Variants in ZNF366 observed in about 807,000 individuals in gnomAD.
ZNF366 encodes the protein dendritic cell-specific transcript protein.
Under a neutral mutation model 47.2 loss-of-function variants are expected in ZNF366, and 20 were observed. The observed-to-expected ratio is 0.42, with a 90% confidence interval of 0.30 to 0.62. The LOEUF (loss-of-function observed/expected upper bound fraction) is 0.62, where lower values mean the gene tolerates loss of function less well. Among genes scored for constraint, ZNF366 ranks in the 20% least tolerant of loss-of-function variants. The pLI, the probability that ZNF366 is intolerant of heterozygous loss-of-function variation, is 0.16. For missense variants in ZNF366, 987 were observed against 976.3 expected (o/e 1.01, Z -0.15); for synonymous variants, 421 against 395.1 (o/e 1.07, Z -0.78).
intron 1 of ZNF366, among the ~76,000 whole-genome samples, chr5:72,488,216 A>G (rs889139285): frequency 1.3e-5 from 2 of 149,996 alleles, no homozygotes; most frequent in East Asian, 4.0e-4. Context: ...ATCTGAAAGA[A>G]AAAAAAAAAA....
In ZNF366 at chr5:72,460,577, C is replaced by T. The variant is rs1390858880; in HGVS notation, c.920G>A (p.Arg307Gln). The part of the protein sequence containing the change: ...HTHMLTHQGT[R>Q]PHKCQVCHKA... ...GTGGCACACCTGGCACTTGTGGGGC[C>T]GCGTGCCCTGGTGGGTCAGCATGTG... The change falls in exon 2 of 5, where the codon CGG (arginine) becomes CAG (glutamine). Residue 307 changes from arginine to glutamine, a missense_variant. This residue lies in a region of ZNF366 where 591 missense variants were observed against 560.9 expected (regional missense o/e 1.05). Coordinates refer to ENST00000318442, the MANE Select transcript of ZNF366 (RefSeq NM_152625.3). The T allele has an allele frequency of 1.2e-6, 2 of 1,614,094 alleles. No homozygotes were observed. Among genetic ancestry groups the T allele is most frequent in the Non-Finnish European group, 8.5e-7 (1 of 1,180,034 alleles).
At chr5:72,479,137 G>A (rs1420872212) in intron 1 of ZNF366, among the ~76,000 whole-genome samples, 1 of 152,154 alleles carries the variant, frequency 6.6e-6, no homozygotes, top group Non-Finnish European at 1.5e-5. Flanking sequence ...CATTGTACCA[G>A]GTTCATTCCA....
chr5:72,450,211 C>T (rs4703887), intron 3 of ZNF366, among the ~76,000 whole-genome samples: 123,965 of 151,924 alleles, frequency 0.82, 51,076 homozygotes, highest in East Asian at 0.97. Flanking sequence ...GTCAACCTTA[C>T]ACCACAAGTA....
At chr5:72,447,852 G>A (rs1362002020) in intron 3 of ZNF366, among the ~76,000 whole-genome samples, 4 of 152,102 alleles carry the variant, frequency 2.6e-5, no homozygotes, top group African/African-American at 9.7e-5. Context: ...AATCATATGA[G>A]ATGGTTGCTA....
At chr5:72,479,286 G>T (rs1247559140) in intron 1 of ZNF366, among the ~76,000 whole-genome samples, 1 of 152,110 alleles carries the variant, frequency 6.6e-6, no homozygotes, top group Non-Finnish European at 1.5e-5. Context: ...ATCCTGGCTT[G>T]GCGTTGTGGC....
At chr5:72,450,940 A>G (rs9293307) in intron 3 of ZNF366, among the ~76,000 whole-genome samples, 1 of 152,078 alleles carries the variant, frequency 6.6e-6, no homozygotes, top group Non-Finnish European at 1.5e-5. Flanking sequence ...GTGAGCCCCA[A>G]GCAGAATTGT....
At chr5:72,464,552 C>G (rs565422709) in intron 1 of ZNF366, among the ~76,000 whole-genome samples, 2 of 151,862 alleles carry the variant, frequency 1.3e-5, no homozygotes, top group African/African-American at 4.8e-5. Context: ...AAATGTCGAA[C>G]AGAGATGATG....
At chr5:72,449,100 A>G (rs1743012569) in intron 3 of ZNF366, among the ~76,000 whole-genome samples, 1 of 152,220 alleles carries the variant, frequency 6.6e-6, no homozygotes, top group African/African-American at 2.4e-5. Flanking sequence ...GAAAAGCAAT[A>G]TGTAAGATAG....
chr5:72,494,339 G>A (rs1294230245), intron 1 of ZNF366: 1 of 152,206 alleles, frequency 6.6e-6, no homozygotes, highest in Non-Finnish European at 1.5e-5. Context: ...AAGTATCTGA[G>A]AGAATTAATG....
At chr5:72,480,625 C>T (rs1310132915) in intron 1 of ZNF366, among the ~76,000 whole-genome samples, 12 of 152,088 alleles carry the variant, frequency 7.9e-5, no homozygotes, top group Non-Finnish European at 1.6e-4. Flanking sequence ...TTCATTTATA[C>T]TGATTGAAGA....
intron 1 of ZNF366, among the ~76,000 whole-genome samples, chr5:72,488,469 TTTC>T (rs1370286934): frequency 6.6e-6 from 1 of 152,212 alleles, no homozygotes; most frequent in Non-Finnish European, 1.5e-5. Context: ...GAGTAACTCT[TTTC>T]TTATTATTTA....
At chr5:72,474,323 C>A (rs898074244) in intron 1 of ZNF366, among the ~76,000 whole-genome samples, 2 of 152,124 alleles carry the variant, frequency 1.3e-5, no homozygotes, top group African/African-American at 4.8e-5. Context: ...CTGAAAGTCT[C>A]CTTGGAGGGC....
intron 1 of ZNF366, among the ~76,000 whole-genome samples, chr5:72,491,326 G>T (rs1744003755): frequency 6.6e-6 from 1 of 152,200 alleles, no homozygotes; most frequent in South Asian, 2.1e-4. Context: ...TTTTTAGGTT[G>T]CATGTGATTA....
intron 1 of ZNF366, among the ~76,000 whole-genome samples, chr5:72,499,715 A>C (rs1194274191): frequency 6.6e-6 from 1 of 152,156 alleles, no homozygotes; most frequent in Non-Finnish European, 1.5e-5. Flanking sequence ...AAAATGCCTG[A>C]ACTAGAAAAA....
At chr5:72,486,149 T>C (rs548441320) in intron 1 of ZNF366, among the ~76,000 whole-genome samples, 1 of 152,370 alleles carries the variant, frequency 6.6e-6, no homozygotes, top group Admixed American at 6.5e-5. Flanking sequence ...ATTTGTCTTT[T>C]GTTTCCTTAT....
At chr5:72,476,859 G>C (rs1013372855) in intron 1 of ZNF366, among the ~76,000 whole-genome samples, 1 of 152,126 alleles carries the variant, frequency 6.6e-6, no homozygotes, top group Admixed American at 6.5e-5. Flanking sequence ...AACCCACAAA[G>C]CTTAACAATG....
intron 3 of ZNF366, among the ~76,000 whole-genome samples, chr5:72,453,713 A>C (rs1026638407): frequency 1.3e-5 from 2 of 152,200 alleles, no homozygotes; most frequent in African/African-American, 4.8e-5. Flanking sequence ...CAAAGAGGGC[A>C]CCCAGCAGGG....
intron 1 of ZNF366, among the ~76,000 whole-genome samples, chr5:72,464,318 T>C (rs1460099471): frequency 2.0e-5 from 3 of 152,238 alleles, no homozygotes; most frequent in Non-Finnish European, 4.4e-5. Context: ...CGACTTGGAA[T>C]GGAATGTTAT....
In ZNF366 at chr5:72,483,322, C is replaced by T. The variant is rs111662490; in HGVS notation, c.-14-21812G>A. 5.8e-3 allele frequency among the ~76,000 whole-genome samples: 884 copies of T among 152,300 alleles called. 10 individuals are homozygous for T. Among genetic ancestry groups the T allele is most frequent in the African/African-American group, 0.019 (804 of 41,566 alleles). ...AAGTGAACAGGTGGAGACAAGAAAG[C>T]TCACACTGAACTTAGAGCATTATGC... On this transcript the variant is annotated intron_variant, in intron 1 of 4. Coordinates refer to ENST00000318442, the MANE Select transcript of ZNF366 (RefSeq NM_152625.3).
Sources: allele counts gnomAD v4.1 joint callset (sites outside exome capture counted in the v4.1 genomes callset), GRCh38; gene constraint gnomAD v4.1.1; regional missense constraint gnomAD v4.1.1; transcripts MANE v1.5; gene names NCBI Gene and HGNC (gene_info 2026-07-23, HGNC 2026-07-21).